The following EIF2B3 variants were observed in gnomAD, a reference collection of about 807,000 sequenced individuals.
The protein encoded by EIF2B3 is eukaryotic translation initiation factor 2B subunit gamma, also known as translation initiation factor eIF2B subunit gamma.
Under a neutral mutation model 54.1 loss-of-function variants are expected in EIF2B3, and 20 were observed. The ratio of observed to expected loss-of-function variants is 0.37; its 90% CI spans 0.26 to 0.54. The LOEUF is 0.54. EIF2B3 is among the 20% of genes least tolerant of loss of function. EIF2B3 has a pLI of 0.86. For missense variants in EIF2B3, 448 were observed against 547.8 expected, an observed-to-expected ratio of 0.82 and a Z score of 1.82; for synonymous variants, 153 against 188.1, an observed-to-expected ratio of 0.81 and a Z score of 1.52.
In EIF2B3 at chr1:44,879,817, C is replaced by T. The variant is rs758987755; in HGVS notation, c.975+1G>A. 4 of 1,613,460 alleles carry T rather than the reference C, an allele frequency of 2.5e-6. No individual in the cohort carries two copies. Among genetic ancestry groups the T allele is most frequent in the Non-Finnish European group, 3.4e-6 (4 of 1,180,004 alleles). ...CATGATTTTCTAACTCATGCTCTCA[C>T]CTGTCTGTTTGCTTCCATGTAGAGT... On this transcript the variant is annotated splice_donor_variant, in intron 8 of 11. Coordinates refer to ENST00000360403, the MANE Select transcript of EIF2B3 (RefSeq NM_020365.5). LOFTEE classifies it high-confidence loss of function.
chr1:44,923,250 G>A (rs1235523383), intron 5 of EIF2B3, among the ~76,000 whole-genome samples: 2 of 152,128 alleles, frequency 1.3e-5, no homozygotes, highest in Non-Finnish European at 2.9e-5. Context: ...AGGACTTCCA[G>A]TACTATGCTG....
rs35127809 is a variant in EIF2B3 at position 44,887,051 on chromosome 1, AT to A, written c.657-5313del. Among the ~76,000 whole-genome samples the A allele has an allele frequency of 3.8e-3, 574 of 152,200 alleles. 3 individuals carry two copies. The highest frequency in any genetic ancestry group is 0.013 in the African/African-American group (543 of 41,510). ...CATTGATCTCTCAGAGTGACTGGGG[AT>A]TGTGGGTAAGCTCTCTCTCAGATTT... On this transcript the variant is annotated intron_variant, in intron 6 of 11. Coordinates refer to ENST00000360403, the MANE Select transcript of EIF2B3 (RefSeq NM_020365.5).
At chr1:44,886,375 C>T (rs534263425) in intron 6 of EIF2B3, among the ~76,000 whole-genome samples, 6 of 152,080 alleles carry the variant, frequency 3.9e-5, no homozygotes, top group Non-Finnish European at 7.4e-5. Flanking sequence ...CCACTGTGCC[C>T]GACCCCGATT....
intron 10 of EIF2B3, among the ~76,000 whole-genome samples, chr1:44,868,124 C>T (rs1318774024): frequency 5.9e-5 from 9 of 151,918 alleles, no homozygotes; most frequent in African/African-American, 1.7e-4. Flanking sequence ...GTTGGCCGGG[C>T]GCAATGGCTC....
intron 5 of EIF2B3, among the ~76,000 whole-genome samples, chr1:44,924,187 G>A (rs1429579676): frequency 2.0e-5 from 3 of 151,876 alleles, no homozygotes; most frequent in Non-Finnish European, 2.9e-5. Flanking sequence ...TGATCCCCCC[G>A]CCTAGGCCTC....
chr1:44,984,854 CG>C (rs1644555052), intron 1 of EIF2B3, among the ~76,000 whole-genome samples: 1 of 122,570 alleles, frequency 8.2e-6, no homozygotes, highest in Admixed American at 9.8e-5. Context: ...GGCCGGACTG[CG>C]GACTGCAGTG....
Position 44,948,208 on chromosome 1 carries a change from A to G in EIF2B3, c.295-6543T>C, listed in dbSNP as rs1644123887. On this transcript the variant is annotated intron_variant, in intron 3 of 11. Coordinates refer to ENST00000360403, the MANE Select transcript of EIF2B3 (RefSeq NM_020365.5). ...TCAGTCAGTAAGTAAGAAATGTGAT[A>G]ATCCTTGGGCTCACAGCTAAATATC... Among the ~76,000 whole-genome samples the G allele has an allele frequency of 2.0e-5, 3 of 152,228 alleles. No individual in the cohort carries two copies. In the South Asian group the frequency reaches 6.2e-4, roughly 31 times the overall value.
At chr1:44,907,384 C>T (rs1643432166) in intron 5 of EIF2B3, among the ~76,000 whole-genome samples, 1 of 151,314 alleles carries the variant, frequency 6.6e-6, no homozygotes, top group Admixed American at 6.6e-5. Context: ...ATGGTGAAAC[C>T]TCATTTCTAC....
chr1:44,941,380 A>G, intron 4 of EIF2B3, 126 bp downstream of exon 4: 1 of 1,157,502 alleles, frequency 8.6e-7, no homozygotes. Flanking sequence ...ACTTTATGTC[A>G]TCAACTCCTA....
At chr1:44,857,284 C>CT (rs1222317668) in intron 11 of EIF2B3, among the ~76,000 whole-genome samples, 1 of 152,218 alleles carries the variant, frequency 6.6e-6, no homozygotes, top group Non-Finnish European at 1.5e-5. Flanking sequence ...AATCCCAGCA[C>CT]TTTGGGAGGC....
At chr1:44,872,646 T>A (rs1655002205) in intron 10 of EIF2B3, among the ~76,000 whole-genome samples, 1 of 151,800 alleles carries the variant, frequency 6.6e-6, no homozygotes, top group South Asian at 2.1e-4. Context: ...GGAAACCCTG[T>A]CTTGAAAAAA....
At chr1:44,974,525 C>T (rs1644434302) in intron 3 of EIF2B3, among the ~76,000 whole-genome samples, 1 of 151,200 alleles carries the variant, frequency 6.6e-6, no homozygotes, top group East Asian at 1.9e-4. Flanking sequence ...GTGGCACATG[C>T]CTGTAGTCCT....
chr1:44,937,455 A>T (rs982361201), intron 4 of EIF2B3: 5 of 152,232 alleles, frequency 3.3e-5, no homozygotes, highest in African/African-American at 9.6e-5. Context: ...GTAGGCAAAC[A>T]AAAGGATATA....
intron 3 of EIF2B3, chr1:44,972,625 C>T (rs76050139): frequency 0.017 from 1,680 of 99,214 alleles, 11 homozygotes; most frequent in African/African-American, 0.027. Flanking sequence ...TAAATAAATA[C>T]ACACACACAC....
At chr1:44,931,119 T>C (rs74966477) in intron 4 of EIF2B3, among the ~76,000 whole-genome samples, 1,617 of 152,306 alleles carry the variant, frequency 0.011, 33 homozygotes, top group African/African-American at 0.037. Flanking sequence ...TACATAAGAT[T>C]GTGACTTCTG....
At chr1:44,896,782 C>T (rs1655986472) in intron 6 of EIF2B3, among the ~76,000 whole-genome samples, 1 of 152,222 alleles carries the variant, frequency 6.6e-6, no homozygotes, top group Non-Finnish European at 1.5e-5. Flanking sequence ...ATCTGCCAGA[C>T]ACAATCTCTG....
chr1:44,982,223 CTATT>C (rs1207598623), intron 1 of EIF2B3, among the ~76,000 whole-genome samples: 1 of 152,074 alleles, frequency 6.6e-6, no homozygotes. Flanking sequence ...ATAAACAAAC[CTATT>C]TGACTTTGAA....
chr1:44,868,252 G>T (rs1397253658), intron 10 of EIF2B3, among the ~76,000 whole-genome samples: 1 of 151,814 alleles, frequency 6.6e-6, no homozygotes, highest in Admixed American at 6.6e-5. Context: ...CAAAAAATTA[G>T]CTGGGCGTGG....
intron 5 of EIF2B3, among the ~76,000 whole-genome samples, chr1:44,912,572 G>A (rs928106328): frequency 6.6e-6 from 1 of 151,906 alleles, no homozygotes; most frequent in Non-Finnish European, 1.5e-5. Context: ...CCCCACCTTT[G>A]CTCGTGGCAT....
Sources: allele counts gnomAD v4.1 joint callset (sites outside exome capture counted in the v4.1 genomes callset), GRCh38; gene constraint gnomAD v4.1.1; transcripts MANE v1.5; gene names NCBI Gene and HGNC (gene_info 2026-07-23, HGNC 2026-07-21).